Variants in C1orf167 observed in about 807,000 individuals in gnomAD.
The protein encoded by C1orf167 is chromosome 1 open reading frame 167, also known as uncharacterized protein C1orf167.
A neutral mutation model predicts 176.5 loss-of-function variants in C1orf167; 153 were observed. The observed-to-expected ratio is 0.87, with a 90% CI of 0.76 to 0.99. The LOEUF (loss-of-function observed/expected upper bound fraction) is 0.99, where lower values mean the gene tolerates loss of function less well. Ranked by LOEUF, C1orf167 falls within the 50% of genes least tolerant of loss-of-function variation. C1orf167 has a pLI of 0.00. For missense variants in C1orf167, 1,490 were observed against 1,817.7 expected, an observed-to-expected ratio of 0.82 and a Z score of 3.28; for synonymous variants, 594 against 752.7, an observed-to-expected ratio of 0.79 and a Z score of 3.45.
Position 11,778,979 on chromosome 1 carries a change from A to G in C1orf167, c.2550A>G (p.Ala850=). 3 of 1,303,696 alleles carry G rather than the reference A, an allele frequency of 2.3e-6. No individual in the cohort carries two copies. The highest frequency in any genetic ancestry group is 1.2e-5 in the South Asian group (1 of 80,976). The allele number at this position is 1,303,696 out of a possible 1,614,324, so 80.8% of individuals were successfully genotyped here. ...PDTLQGSLLW[A]AGQRQQGQCL... ...CTCTCCAGGGGAGCCTTCTGTGGGC[A>G]GCTGGGCAGCGGCAGCAGGGGCAGT... Residue 850 remains alanine, a synonymous_variant, in exon 12 of 21, where the codon GCA becomes GCG. Transcript: ENST00000688073.
chr1:11,768,789 T>C lies in C1orf167; in HGVS notation c.1543-184T>C, dbSNP rs1443413635. 6.6e-6 allele frequency among the ~76,000 whole-genome samples: 1 copy of C among 152,168 alleles called. No homozygotes were observed. The highest frequency in any genetic ancestry group is 1.5e-5 in the Non-Finnish European group (1 of 68,010). ...CGTTGCCTCTTGGGATGCATCGCTCTATATTTGTTCATTCATTCATTCCTT... is the reference window on the plus strand; with the variant it reads ...CGTTGCCTCTTGGGATGCATCGCTCCATATTTGTTCATTCATTCATTCCTT... On this transcript the variant is annotated intron_variant, in intron 5 of 20. Coordinates refer to ENST00000688073, the MANE Select transcript of C1orf167 (RefSeq NM_001010881.2). The surrounding 1 kb of genome is among the most constrained non-coding windows in gnomAD (Gnocchi z 4.5).
intron 1 of C1orf167, among the ~76,000 whole-genome samples, chr1:11,763,337 G>A (rs547759619): frequency 2.6e-5 from 4 of 152,094 alleles, no homozygotes; most frequent in East Asian, 3.9e-4. Context: ...GCTTGTTAGA[G>A]GCTGAGGTGG....
At chr1:11,775,236 C>T (rs1334805125) in intron 8 of C1orf167, among the ~76,000 whole-genome samples, 199 bp from the exon 9 acceptor site, 1 of 152,158 alleles carries the variant, frequency 6.6e-6, no homozygotes, top group Non-Finnish European at 1.5e-5. Flanking sequence ...TTGCAGTGAC[C>T]AGAGATCGCA....
Position 11,778,950 on chromosome 1 carries a change from G to C in C1orf167, c.2521G>C (p.Asp841His). Residue 841 changes from aspartate to histidine, a missense_variant, in exon 12 of 21, where the codon GAC becomes CAC. Transcript: ENST00000688073. ...EKVPRAPTLP[D>H]TLQGSLLWAA... ...GGTTCCCAGGGCCCCCACCCTCCCG[G>C]ACACTCTCCAGGGGAGCCTTCTGTG... The C allele has an allele frequency of 1.5e-6, 2 of 1,303,860 alleles. No homozygotes were observed. The highest frequency in any genetic ancestry group is 2.0e-6 in the Non-Finnish European group (2 of 988,686). The allele number at this position is 1,303,860 out of a possible 1,614,324, so 80.8% of individuals were successfully genotyped here.
Position 11,768,338 on chromosome 1 carries a change from C to G in C1orf167, c.1542+63C>G, listed in dbSNP as rs1465040743. On this transcript the variant is annotated intron_variant, in intron 5 of 20. Coordinates refer to ENST00000688073, the MANE Select transcript of C1orf167 (RefSeq NM_001010881.2). The surrounding 1 kb of genome is among the most constrained non-coding windows in gnomAD (Gnocchi z 4.5). ...AGCAGTGGTGTGTCTGGGGAGGAGA[C>G]TCAGTCTACGGAGAGGACACCCACT... is the stretch of plus-strand genomic sequence containing the variant. The G allele has an allele frequency of 7.9e-7, 1 of 1,258,286 alleles. No homozygotes were observed. 77.9% of individuals were successfully genotyped at this position (1,258,286 alleles called of 1,614,324 possible). A position where few individuals can be genotyped will look rare whatever the true frequency, so the allele number is the denominator to read the frequency against.
rs1282874597 is a variant in C1orf167 at position 11,772,154 on chromosome 1, C to G, written c.1883C>G (p.Ala628Gly). ...GAGACTCTGCGGAAGGCCACCAGGG[C>G]CACACAGAGGACAGGGAGCTTCCCC... is the stretch of plus-strand genomic sequence containing the variant. ...ERETLRKATR[A>G]TQRTGSFPQA... Residue 628 changes from alanine to glycine, a missense_variant, in exon 8 of 21, where the codon GCC becomes GGC. Coordinates refer to ENST00000688073, the MANE Select transcript of C1orf167 (RefSeq NM_001010881.2). 1.5e-6 allele frequency: 2 copies of G among 1,304,234 alleles called. No individual in the cohort carries two copies. Among genetic ancestry groups the G allele is most frequent in the Non-Finnish European group, 2.0e-6 (2 of 988,968 alleles). 80.8% of individuals were successfully genotyped at this position (1,304,234 alleles called of 1,614,324 possible). A position where few individuals can be genotyped will look rare whatever the true frequency, so the allele number is the denominator to read the frequency against.
chr1:11,768,693 T>G lies in C1orf167; in HGVS notation c.1543-280T>G, dbSNP rs1642914787. 6.6e-6 allele frequency among the ~76,000 whole-genome samples: 1 copy of G among 152,188 alleles called. No individual in the cohort carries two copies. Among genetic ancestry groups the G allele is most frequent in the Admixed American group, 6.5e-5 (1 of 15,268 alleles). On this transcript the variant is annotated intron_variant, in intron 5 of 20. Coordinates refer to ENST00000688073, the MANE Select transcript of C1orf167 (RefSeq NM_001010881.2). The surrounding 1 kb of genome is among the most constrained non-coding windows in gnomAD (Gnocchi z 4.5). ...CCAGCCAGGGCTGGGAGGGAGCATC[T>G]GTGTCCTTCCCTCCTTGGGAAAGGG...
chr1:11,763,986 C>T (rs759498086), intron 1 of C1orf167, among the ~76,000 whole-genome samples: 10 of 152,112 alleles, frequency 6.6e-5, no homozygotes, highest in African/African-American at 1.2e-4. Context: ...GTTGCGAGGA[C>T]GGCTGGAGTT....
chr1:11,789,244 G>A lies in C1orf167; in HGVS notation c.4174-26G>A, dbSNP rs527656604. On this transcript the variant is annotated intron_variant, in intron 20 of 20. Transcript: ENST00000688073. ...ACCCCGGAGAAAGCCCACAACAATAGCATTTCCTCTCCTCCCTGGTTCCAG... is the reference window on the plus strand; with the variant it reads ...ACCCCGGAGAAAGCCCACAACAATAACATTTCCTCTCCTCCCTGGTTCCAG... The A allele has an allele frequency of 3.0e-5, 39 of 1,302,148 alleles. 1 individual carries two copies. The South Asian group carries it at 4.8e-4, about 16-fold the overall frequency. 80.7% of individuals were successfully genotyped at this position (1,302,148 alleles called of 1,614,324 possible).
Position 11,789,429 on chromosome 1 carries a change from G to A in C1orf167, c.4333G>A (p.Ala1445Thr), listed in dbSNP as rs1416582776. ...RGWGLGAEHG[A>T]QLQL ...TTGGGGGCTTGGGGCAGAGCATGGGGCCCAGCTGCAGCTGTGACTTGTTCT... is the reference window on the plus strand; with the variant it reads ...TTGGGGGCTTGGGGCAGAGCATGGGACCCAGCTGCAGCTGTGACTTGTTCT... Residue 1445 changes from alanine (A) to threonine (T), a missense_variant, in exon 21 of 21, where the codon GCC becomes ACC. Ala to Thr is a moderately conservative substitution (Grantham distance 58). Transcript: ENST00000688073. 3 of 1,303,828 alleles carry A rather than the reference G, an allele frequency of 2.3e-6. No homozygotes were observed. Among genetic ancestry groups the A allele is most frequent in the African/African-American group, 1.5e-5 (1 of 65,846 alleles). The allele number at this position is 1,303,828 out of a possible 1,614,324, so 80.8% of individuals were successfully genotyped here. A position where few individuals can be genotyped will look rare whatever the true frequency, so the allele number is the denominator to read the frequency against.
intron 14 of C1orf167, 56 bp from the exon 15 acceptor site, chr1:11,784,118 G>A: frequency 8.3e-7 from 1 of 1,202,654 alleles, no homozygotes; most frequent in Non-Finnish European, 1.1e-6. Flanking sequence ...GCTTCCCAAA[G>A]TGCTGGGATT....
chr1:11,786,636 T>C (rs1193530622), intron 16 of C1orf167: 2 of 149,828 alleles, frequency 1.3e-5, no homozygotes, highest in Non-Finnish European at 3.0e-5. Context: ...AAATGGGATC[T>C]CACTATGTTG....
chr1:11,785,125 G>T, intron 15 of C1orf167, 23 bp from the exon 16 acceptor site: 2 of 1,276,942 alleles, frequency 1.6e-6, no homozygotes, highest in Non-Finnish European at 2.0e-6. Context: ...GGCCCTGGCT[G>T]CAGACTCCTT....
intron 1 of C1orf167, among the ~76,000 whole-genome samples, chr1:11,762,630 G>A (rs919096678): frequency 6.6e-5 from 10 of 152,202 alleles, no homozygotes; most frequent in African/African-American, 2.4e-4. Context: ...GCCCTTCTAA[G>A]CTCCTGTCCT....
At chr1:11,784,716 T>C in intron 15 of C1orf167, 123 bp downstream of exon 15, 1 of 1,103,618 alleles carries the variant, frequency 9.1e-7, no homozygotes, top group South Asian at 1.6e-5. Context: ...AAGAGGGTGG[T>C]TGGGGGTGAC....
rs573050823 is a variant in C1orf167 at position 11,785,185 on chromosome 1, G to A, written c.3463G>A (p.Gly1155Ser). 62 of 1,291,596 alleles carry A rather than the reference G, an allele frequency of 4.8e-5. 1 individual carries two copies. The highest frequency in any genetic ancestry group is 2.6e-4 in the African/African-American group (17 of 65,982). 80.0% of individuals were successfully genotyped at this position (1,291,596 alleles called of 1,614,324 possible). Residue 1155 changes from glycine to serine, a missense_variant, in exon 16 of 21, where the codon GGT becomes AGT. Transcript: ENST00000688073. ...CTCGGTGCAGTCGGCGGTGCGCGGC[G>A]GTGTCCAGCGAGCCATCCTCACCCA... Reference protein sequence around the residue: ...EASVQSAVRGGVQRAILTQLR... With the variant: ...EASVQSAVRGSVQRAILTQLR...
chr1:11,771,108 G>A (rs1345069781), intron 6 of C1orf167, among the ~76,000 whole-genome samples: 4 of 119,852 alleles, frequency 3.3e-5, no homozygotes, highest in Admixed American at 3.1e-4. Context: ...TAGTAGAGAC[G>A]GAGTTTCACT....
chr1:11,766,559 C>T lies in C1orf167; in HGVS notation c.773C>T (p.Ala258Val). The T allele has an allele frequency of 8.0e-7, 1 of 1,245,188 alleles. No individual in the cohort carries two copies. The highest frequency in any genetic ancestry group is 1.0e-6 in the Non-Finnish European group (1 of 966,004). 77.1% of individuals were successfully genotyped at this position (1,245,188 alleles called of 1,614,324 possible). The change falls in exon 3 of 21, where the codon GCT (alanine) becomes GTT (valine). Residue 258 changes from alanine to valine, a missense_variant. Ala to Val is a moderately conservative substitution (Grantham distance 64). Transcript: ENST00000688073. The surrounding 1 kb of genome is among the most constrained non-coding windows in gnomAD (Gnocchi z 4.5). ...GAGGCAGCCCGACTCAGGTGCCAGG[C>T]TCCCCAGGAACCCCCCGGTGCTGTG... ...AQEAARLRCQ[A>V]PQEPPGAVQQ...
At chr1:11,767,321 C>A in intron 4 of C1orf167, 57 bp downstream of exon 4, 1 of 1,246,560 alleles carries the variant, frequency 8.0e-7, no homozygotes, top group Non-Finnish European at 1.1e-6. Context: ...GTGCTCAGGA[C>A]TCCGCTCCCA....
Sources: allele counts gnomAD v4.1 joint callset (sites outside exome capture counted in the v4.1 genomes callset), GRCh38; gene constraint gnomAD v4.1.1; non-coding constraint Gnocchi (gnomAD v3.1); transcripts MANE v1.5; gene names NCBI Gene and HGNC (gene_info 2026-07-23, HGNC 2026-07-21).